Variants in ZNF407 observed in about 807,000 individuals in gnomAD.
The protein encoded by ZNF407 is zinc finger protein 407.
A neutral mutation model predicts 131.2 loss-of-function variants in ZNF407; 17 were observed. The ratio of observed to expected loss-of-function variants is 0.13; its 90% CI spans 0.09 to 0.19. ZNF407 has a LOEUF of 0.19. Ranked by LOEUF, ZNF407 falls within the 10% of genes least tolerant of loss-of-function variation. ZNF407 has a pLI of 1.00. For missense variants in ZNF407, 2,681 were observed against 2,830.6 expected, an observed-to-expected ratio of 0.95 and a Z score of 1.20; for synonymous variants, 1,156 against 1,062.0, an observed-to-expected ratio of 1.09 and a Z score of -1.72.
chr18:74,794,850 T>C (rs1171101245), intron 4 of ZNF407, among the ~76,000 whole-genome samples: 2 of 152,306 alleles, frequency 1.3e-5, no homozygotes, highest in Middle Eastern at 3.4e-3. Flanking sequence ...TGAATTTTAG[T>C]AATTGGTGGC....
intron 4 of ZNF407, among the ~76,000 whole-genome samples, chr18:74,832,492 T>A (rs1449726260): frequency 6.6e-6 from 1 of 152,066 alleles, no homozygotes; most frequent in African/African-American, 2.4e-5. Context: ...TCTCACTCTG[T>A]CACCCAGGCT....
At chr18:74,908,052 A>G (rs910299946) in intron 7 of ZNF407, among the ~76,000 whole-genome samples, 2 of 152,054 alleles carry the variant, frequency 1.3e-5, no homozygotes, top group African/African-American at 4.8e-5. Flanking sequence ...TTAGTTTCTG[A>G]GATTTTTATC....
At position 74,781,518 on chromosome 18, in the gene ZNF407, T is replaced by C. The variant is rs764039496; in HGVS notation, c.4877+16T>C. The C allele has an allele frequency of 6.7e-7, 1 of 1,486,004 alleles. No individual in the cohort carries two copies. The allele number at this position is 1,486,004 out of a possible 1,614,324, so 92.1% of individuals were successfully genotyped here. ...CAAAAGAAAGGTAATTTTCATTCTTTTTTTTTCATTTAAAAATACAATTTG... is the reference window on the plus strand; with the variant it reads ...CAAAAGAAAGGTAATTTTCATTCTTCTTTTTTCATTTAAAAATACAATTTG... On this transcript the variant is annotated intron_variant, in intron 4 of 8. Coordinates refer to ENST00000299687, the MANE Select transcript of ZNF407 (RefSeq NM_017757.3).
chr18:74,644,708 A>G (rs893572471), intron 3 of ZNF407, among the ~76,000 whole-genome samples: 3 of 151,812 alleles, frequency 2.0e-5, no homozygotes, highest in African/African-American at 4.8e-5. Context: ...TCTTATCCCC[A>G]TTTTACTGAT....
At chr18:74,951,369 C>T (rs1400580477) in intron 8 of ZNF407, among the ~76,000 whole-genome samples, 1 of 152,214 alleles carries the variant, frequency 6.6e-6, no homozygotes, top group Non-Finnish European at 1.5e-5. Flanking sequence ...GGTTTCTTGA[C>T]TCATTAAGTC....
At chr18:74,636,670 A>ATTCT (rs1984478322) in intron 2 of ZNF407, among the ~76,000 whole-genome samples, 1 of 152,248 alleles carries the variant, frequency 6.6e-6, no homozygotes, top group Non-Finnish European at 1.5e-5. Flanking sequence ...AGAAGACAGA[A>ATTCT]GAGTGTGAAG....
rs75998131 is a variant in ZNF407 at position 74,841,050 on chromosome 18, T to C, written c.4878-36147T>C. Among the ~76,000 whole-genome samples the C allele has an allele frequency of 9.6e-3, 1,470 of 152,342 alleles. 28 individuals carry two copies. The highest frequency in any genetic ancestry group is 0.034 in the African/African-American group (1,419 of 41,574). On this transcript the variant is annotated intron_variant, in intron 4 of 8. Coordinates refer to ENST00000299687, the MANE Select transcript of ZNF407 (RefSeq NM_017757.3). ...TCACCTCTCAGGCCCACCTTTCACC[T>C]GCTGTCTCTCTCCTGCACTGCTCCG...
intron 4 of ZNF407, among the ~76,000 whole-genome samples, chr18:74,811,435 A>AC (rs1264160801): frequency 6.6e-6 from 1 of 152,142 alleles, no homozygotes; most frequent in Non-Finnish European, 1.5e-5. Flanking sequence ...GGGACTGTAA[A>AC]CTAGTTCAAC....
At chr18:74,782,804 A>G (rs1292364672) in intron 4 of ZNF407, among the ~76,000 whole-genome samples, 3 of 152,102 alleles carry the variant, frequency 2.0e-5, no homozygotes, top group African/African-American at 4.8e-5. Flanking sequence ...TATTTTTAGT[A>G]GAGACGGGGT....
chr18:74,737,235 T>A (rs1968438702), intron 3 of ZNF407, among the ~76,000 whole-genome samples: 1 of 152,226 alleles, frequency 6.6e-6, no homozygotes, highest in Non-Finnish European at 1.5e-5. Flanking sequence ...TTAAGCAAGA[T>A]AATGAGCAGA....
At chr18:75,013,921 G>C (rs1160742937) in intron 8 of ZNF407, among the ~76,000 whole-genome samples, 1 of 152,074 alleles carries the variant, frequency 6.6e-6, no homozygotes, top group Admixed American at 6.6e-5. Flanking sequence ...TACTGTTTCT[G>C]TTTCGCTTGA....
chr18:74,618,178 C>CT (rs1288320234), intron 1 of ZNF407, among the ~76,000 whole-genome samples: 104,403 of 151,760 alleles, frequency 0.69, 36,455 homozygotes, highest in East Asian at 0.98. Context: ...TTTGTGCTTT[C>CT]TTTTTTTTCT....
chr18:74,803,840 A>G (rs1970062961), intron 4 of ZNF407: 2 of 1,006,468 alleles, frequency 2.0e-6, no homozygotes, highest in East Asian at 5.3e-5. Flanking sequence ...CAATATTAAT[A>G]CTTTCTGGAG....
chr18:74,783,578 G>A (rs908736058), intron 4 of ZNF407, among the ~76,000 whole-genome samples: 20 of 149,376 alleles, frequency 1.3e-4, no homozygotes, highest in Admixed American at 1.3e-4. Flanking sequence ...TACCCTTTTC[G>A]TTACATTCTA....
At chr18:74,919,856 A>G (rs1254573545) in intron 7 of ZNF407, among the ~76,000 whole-genome samples, 2 of 152,194 alleles carry the variant, frequency 1.3e-5, no homozygotes, top group African/African-American at 4.8e-5. Flanking sequence ...TCTGCGGGAA[A>G]GCACTGGGAG....
chr18:74,758,890 T>A (rs894546603), intron 3 of ZNF407, among the ~76,000 whole-genome samples: 1 of 152,194 alleles, frequency 6.6e-6, no homozygotes, highest in Non-Finnish European at 1.5e-5. Context: ...AAAAAATATA[T>A]TTATAGTTTT....
At chr18:74,849,052 C>CTTTTTTTTTTTTTTTTTTTT (rs35529971) in intron 4 of ZNF407, among the ~76,000 whole-genome samples, 2 of 122,946 alleles carry the variant, frequency 1.6e-5, no homozygotes, top group Admixed American at 8.8e-5. Flanking sequence ...ACTTTTGTTT[C>CTTTTTTTTTTTTTTTTTTTT]TTTTTTTTTT....
intron 7 of ZNF407, among the ~76,000 whole-genome samples, chr18:74,894,227 T>C (rs964675052): frequency 1.3e-5 from 2 of 152,096 alleles, no homozygotes; most frequent in African/African-American, 2.4e-5. Context: ...AATCAGTATA[T>C]TCAATCATTA....
chr18:74,911,016 G>A (rs1971662890), intron 7 of ZNF407, among the ~76,000 whole-genome samples: 1 of 152,130 alleles, frequency 6.6e-6, no homozygotes, highest in Non-Finnish European at 1.5e-5. Flanking sequence ...TGTGTTACAT[G>A]TATGTATAAT....
Sources: allele counts gnomAD v4.1 joint callset (sites outside exome capture counted in the v4.1 genomes callset), GRCh38; gene constraint gnomAD v4.1.1; transcripts MANE v1.5; gene names NCBI Gene and HGNC (gene_info 2026-07-23, HGNC 2026-07-21).